CALN1: variants seen among roughly 807,000 people sequenced by gnomAD.
CALN1 encodes the protein calneuron 1, also known as calcium-binding protein 8.
CALN1 carries 17 observed loss-of-function variants against 30.6 expected under a neutral mutation model. The observed-to-expected ratio is 0.56, with a 90% CI of 0.38 to 0.83. The LOEUF (loss-of-function observed/expected upper bound fraction) is 0.83, where lower values mean the gene tolerates loss of function less well. Among genes scored for constraint, CALN1 ranks in the 40% least tolerant of loss-of-function variants. The pLI, the probability that CALN1 is intolerant of heterozygous loss-of-function variation, is 0.00. For synonymous variants in CALN1, 156 were observed against 131.4 expected (o/e 1.19, Z -1.28); for missense variants, 291 against 354.9 (o/e 0.82, Z 1.45).
At chr7:72,243,398 A>T (rs1794966441) in intron 3 of CALN1, among the ~76,000 whole-genome samples, 1 of 152,204 alleles carries the variant, frequency 6.6e-6, no homozygotes, top group Non-Finnish European at 1.5e-5. Context: ...CAAACTGACC[A>T]TGATAAGAAG....
At chr7:71,896,359 A>G (rs78176929) in intron 5 of CALN1, among the ~76,000 whole-genome samples, 1 of 152,050 alleles carries the variant, frequency 6.6e-6, no homozygotes, top group East Asian at 1.9e-4. Context: ...TCTCTAGAGA[A>G]CTTCTTTCTT....
intron 2 of CALN1, among the ~76,000 whole-genome samples, chr7:72,327,498 T>A (rs569814287): frequency 1.3e-5 from 2 of 152,146 alleles, no homozygotes; most frequent in South Asian, 4.1e-4. Flanking sequence ...CAAAAATAAA[T>A]AAATAAACGA....
At chr7:71,845,089 G>C (rs1790152368) in intron 5 of CALN1, among the ~76,000 whole-genome samples, 1 of 151,950 alleles carries the variant, frequency 6.6e-6, no homozygotes. Flanking sequence ...TCACCATATT[G>C]GCCAGGCTGG....
intron 5 of CALN1, among the ~76,000 whole-genome samples, chr7:71,962,494 A>G (rs1314126530): frequency 1.3e-5 from 2 of 152,222 alleles, no homozygotes; most frequent in African/African-American, 4.8e-5. Context: ...AAGCCATGCC[A>G]TATTTGAGCC....
intron 3 of CALN1, among the ~76,000 whole-genome samples, chr7:72,179,937 TGATA>T (rs1789639413): frequency 1.3e-5 from 2 of 152,232 alleles, no homozygotes; most frequent in African/African-American, 2.4e-5. Context: ...ATATCTCATC[TGATA>T]GTCATCCATG....
At chr7:72,400,492 TTC>T (rs1402759560) in intron 2 of CALN1, among the ~76,000 whole-genome samples, 1 of 152,218 alleles carries the variant, frequency 6.6e-6, no homozygotes, top group African/African-American at 2.4e-5. Flanking sequence ...GCATTGCTCC[TTC>T]TCTGACACTA....
At chr7:72,199,102 C>T (rs1025578573) in intron 3 of CALN1, among the ~76,000 whole-genome samples, 1 of 151,990 alleles carries the variant, frequency 6.6e-6, no homozygotes, top group Non-Finnish European at 1.5e-5. Context: ...TGGTGAAAGC[C>T]CATCTCTACT....
chr7:72,065,141 T>G (rs1803934521), intron 4 of CALN1, among the ~76,000 whole-genome samples: 2 of 115,584 alleles, frequency 1.7e-5, no homozygotes, highest in East Asian at 3.0e-4. Flanking sequence ...TATTTATATT[T>G]TAAAATATTA....
At chr7:72,013,244 G>C (rs1221572586) in intron 5 of CALN1, among the ~76,000 whole-genome samples, 2 of 137,564 alleles carry the variant, frequency 1.5e-5, no homozygotes, top group African/African-American at 6.0e-5. Flanking sequence ...TTGCTAATTT[G>C]AGATTTTTTT....
chr7:72,368,838 AG>A (rs1804042632), intron 2 of CALN1, among the ~76,000 whole-genome samples: 1 of 137,456 alleles, frequency 7.3e-6, no homozygotes, highest in African/African-American at 2.7e-5. Context: ...TTTTTGAGAC[AG>A]AATCTCACAC....
At chr7:72,234,094 G>T (rs1794304308) in intron 3 of CALN1, among the ~76,000 whole-genome samples, 1 of 152,204 alleles carries the variant, frequency 6.6e-6, no homozygotes, top group East Asian at 1.9e-4. Context: ...AAGACACACT[G>T]ATGTTTACAA....
rs1807114016 is a variant in CALN1 at position 72,106,424 on chromosome 7, G to T, written c.245-130C>A. The stretch of plus-strand genomic sequence containing the variant: ...GTGATTTGTTAAAACTCTTTAATCA[G>T]ATAAAAGGGAGGACAGAAGAAGAAC... On this transcript the variant is annotated intron_variant, in intron 3 of 6. Coordinates refer to ENST00000395275, the MANE Select transcript of CALN1 (RefSeq NM_031468.4). 2 of 1,041,468 alleles carry T rather than the reference G, an allele frequency of 1.9e-6. No homozygotes were observed. Among genetic ancestry groups the T allele is most frequent in the African/African-American group, 3.2e-5 (2 of 62,426 alleles). The allele number at this position is 1,041,468 out of a possible 1,614,324, so 64.5% of individuals were successfully genotyped here.
upstream of CALN1, among the ~76,000 whole-genome samples, chr7:72,412,994 G>A (rs745903377): frequency 1.1e-4 from 16 of 152,188 alleles, no homozygotes; most frequent in Non-Finnish European, 2.1e-4. Context: ...GCTGGCTCAC[G>A]CTAAGCCCAC....
intron 3 of CALN1, among the ~76,000 whole-genome samples, chr7:72,178,104 G>A (rs905660009): frequency 4.6e-5 from 7 of 152,100 alleles, no homozygotes; most frequent in South Asian, 2.1e-4. Flanking sequence ...ATCACATCCC[G>A]AAAAATGGGG....
At chr7:72,502,347 T>A in the CALN1 span, among the ~76,000 whole-genome samples, 246 of 149,958 alleles carry the variant, frequency 1.6e-3, no homozygotes, top group African/African-American at 5.7e-3. Context: ...TCTGAGCACT[T>A]TGACCTGTCT....
intron 3 of CALN1, among the ~76,000 whole-genome samples, chr7:72,275,765 G>A (rs1191426060): frequency 1.3e-5 from 2 of 152,170 alleles, no homozygotes; most frequent in Non-Finnish European, 2.9e-5. Flanking sequence ...CTGAAAAAGT[G>A]CATTTCAGTG....
At chr7:71,809,742 C>G (rs960909901) in intron 6 of CALN1, among the ~76,000 whole-genome samples, 3 of 151,912 alleles carry the variant, frequency 2.0e-5, no homozygotes, top group Non-Finnish European at 2.9e-5. Context: ...AATAACCTTT[C>G]ATGGGTCTCT....
chr7:72,131,614 T>C (rs558131350), intron 3 of CALN1, among the ~76,000 whole-genome samples: 1 of 152,210 alleles, frequency 6.6e-6, no homozygotes, highest in Non-Finnish European at 1.5e-5. Context: ...ATTCTGGATC[T>C]TGCCCTGACC....
chr7:72,286,961 C>CAAT (rs1798122138), intron 2 of CALN1, among the ~76,000 whole-genome samples: 1 of 152,004 alleles, frequency 6.6e-6, no homozygotes, highest in Admixed American at 6.6e-5. Context: ...AAAGAAAAGG[C>CAAT]AATAAGCTGA....
Sources: allele counts gnomAD v4.1 joint callset (sites outside exome capture counted in the v4.1 genomes callset), GRCh38; gene constraint gnomAD v4.1.1; transcripts MANE v1.5; gene names NCBI Gene and HGNC (gene_info 2026-07-23, HGNC 2026-07-21).